Variants in SYBU observed in about 807,000 individuals in gnomAD.
SYBU encodes syntabulin.
A neutral mutation model predicts 35.9 loss-of-function variants in SYBU; 21 were observed. That is an observed-to-expected ratio of 0.58 (90% CI 0.41 to 0.84). SYBU has a LOEUF of 0.84. Among genes scored for constraint, SYBU ranks in the 40% least tolerant of loss-of-function variants. SYBU has a pLI of 0.00. For missense variants in SYBU, 768 were observed against 848.2 expected, an observed-to-expected ratio of 0.91 and a Z score of 1.17; for synonymous variants, 319 against 324.3, an observed-to-expected ratio of 0.98 and a Z score of 0.18.
upstream of SYBU, chr8:109,646,973 T>C (rs1262947216): frequency 6.6e-6 from 1 of 152,248 alleles, no homozygotes; most frequent in Non-Finnish European, 1.5e-5. Flanking sequence ...ACTCAAGGTC[T>C]CTTGCTTTCA....
In SYBU at chr8:109,629,726, T is replaced by C. The variant is rs369385282; in HGVS notation, c.230-10687A>G. On this transcript the variant is annotated intron_variant, in intron 2 of 6. Coordinates refer to ENST00000276646, the MANE Select transcript of SYBU (RefSeq NM_001099754.2). ...ATCCCTGAGGAATCGCCACACTGACTTCCACAATGGTTGAACTAGTTTACA... is the reference window on the plus strand; with the variant it reads ...ATCCCTGAGGAATCGCCACACTGACCTCCACAATGGTTGAACTAGTTTACA... Among the ~76,000 whole-genome samples the C allele has an allele frequency of 6.0e-4, 92 of 152,114 alleles. No individual in the cohort carries two copies. In the East Asian group the frequency reaches 0.014, roughly 23 times the overall value.
intron 3 of SYBU, among the ~76,000 whole-genome samples, chr8:109,606,203 T>C (rs1320419949): frequency 6.6e-6 from 1 of 152,188 alleles, no homozygotes; most frequent in African/African-American, 2.4e-5. Context: ...AGAAATTTGA[T>C]AGGCTGAATC....
intron 1 of SYBU, among the ~76,000 whole-genome samples, chr8:109,671,672 A>G (rs148285705): frequency 2.8e-4 from 42 of 152,328 alleles, no homozygotes; most frequent in African/African-American, 1.0e-3. Context: ...GCCAATCTCT[A>G]ATTCAATTTT....
intron 1 of SYBU, among the ~76,000 whole-genome samples, chr8:109,653,550 C>A (rs1190841724): frequency 6.6e-6 from 1 of 152,156 alleles, no homozygotes; most frequent in Non-Finnish European, 1.5e-5. Context: ...ACCCCACAAC[C>A]CTGTGGATGA....
At chr8:109,689,665 C>A (rs1011754267) in intron 1 of SYBU, among the ~76,000 whole-genome samples, 1 of 152,030 alleles carries the variant, frequency 6.6e-6, no homozygotes, top group Admixed American at 6.6e-5. Flanking sequence ...TTCGTGTAAC[C>A]ACAATAATCA....
intron 3 of SYBU, among the ~76,000 whole-genome samples, chr8:109,616,580 T>A (rs776907240): frequency 2.0e-5 from 3 of 152,142 alleles, no homozygotes; most frequent in Admixed American, 1.3e-4. Flanking sequence ...TTTCCTTGTA[T>A]TGCCATCACC....
rs1043849725 is a variant in SYBU at position 109,691,310 on chromosome 8, C to A, written c.-58+23G>T. The A allele has an allele frequency of 1.0e-5, 7 of 700,612 alleles. No individual in the cohort carries two copies. The allele number at this position is 700,612 out of a possible 1,614,324, so 43.4% of individuals were successfully genotyped here. ...TGTCCGCGGGCACTGACAGCAGAGACCGCATAGGCGCCCCGGTCTTACCCT... is the reference window on the plus strand; with the variant it reads ...TGTCCGCGGGCACTGACAGCAGAGAACGCATAGGCGCCCCGGTCTTACCCT... On this transcript the variant is annotated intron_variant, in intron 1 of 7. Transcript: ENST00000422135. The surrounding 1 kb of genome is among the most constrained non-coding windows in gnomAD (Gnocchi z 4.7).
intron 1 of SYBU, among the ~76,000 whole-genome samples, chr8:109,658,412 G>A (rs188817548): frequency 6.6e-5 from 10 of 152,300 alleles, no homozygotes; most frequent in Non-Finnish European, 1.5e-4. Context: ...ACAAACTGGG[G>A]ATGTTCAATA....
At position 109,691,596 on chromosome 8, in the gene SYBU, AGGACAAAATGGAGAGAAGGGCGGG is replaced by A; in HGVS notation, c.-345_-322del. 2.3e-6 allele frequency: 1 copy of A among 427,160 alleles called. No homozygotes were observed. The highest frequency in any genetic ancestry group is 5.3e-5 in the South Asian group (1 of 18,752). The allele number at this position is 427,160 out of a possible 1,614,324, so 26.5% of individuals were successfully genotyped here. A position where few individuals can be genotyped will look rare whatever the true frequency, so the allele number is the denominator to read the frequency against. ...GCCAGCCGGGCGGCTGCTGGGGCTGAGGACAAAATGGAGAGAAGGGCGGGGGACCAAAGGGCAGGCACCGCTGGG... is the reference window on the plus strand; with the variant it reads ...GCCAGCCGGGCGGCTGCTGGGGCTGAGGACCAAAGGGCAGGCACCGCTGGG... On this transcript the variant is annotated 5_prime_UTR_variant, in exon 1 of 8. Coordinates refer to the SYBU transcript ENST00000422135. This position sits in a 1 kb window ranked among gnomAD's most constrained non-coding sequence, Gnocchi z 4.7.
chr8:109,645,632 TG>T (rs1230458249), upstream of SYBU: 20 of 279,384 alleles, frequency 7.2e-5, no homozygotes, highest in East Asian at 8.5e-4. Context: ...TTTCGTTTTT[TG>T]TTTTTTTTTT....
intron 1 of SYBU, among the ~76,000 whole-genome samples, chr8:109,664,712 A>G (rs929975140): frequency 1.3e-5 from 2 of 152,202 alleles, no homozygotes; most frequent in Non-Finnish European, 2.9e-5. Context: ...AAGAAAGATG[A>G]GCAGGTGAGG....
At chr8:109,595,874 T>C (rs1323624339) in intron 3 of SYBU, among the ~76,000 whole-genome samples, 4 of 152,234 alleles carry the variant, frequency 2.6e-5, no homozygotes. Flanking sequence ...GAGTTGCTCA[T>C]ATTTGACACA....
intron 1 of SYBU, among the ~76,000 whole-genome samples, chr8:109,686,669 G>A (rs184782555): frequency 6.6e-6 from 1 of 152,182 alleles, no homozygotes; most frequent in Non-Finnish European, 1.5e-5. Flanking sequence ...CTGCCCTTGG[G>A]AAGAACATTC....
At chr8:109,588,066 G>A (rs1054631286) in intron 3 of SYBU, among the ~76,000 whole-genome samples, 4 of 152,140 alleles carry the variant, frequency 2.6e-5, no homozygotes, top group African/African-American at 9.7e-5. Context: ...TTATCAGGTT[G>A]GTTATTAAAT....
intron 3 of SYBU, among the ~76,000 whole-genome samples, chr8:109,615,681 G>C (rs1433448413): frequency 6.6e-6 from 1 of 152,104 alleles, no homozygotes; most frequent in Middle Eastern, 3.2e-3. Flanking sequence ...AAACTGCTCA[G>C]GTGATATTTA....
At chr8:109,685,278 G>T (rs1043981062), upstream of SYBU, among the ~76,000 whole-genome samples, 1 of 152,120 alleles carries the variant, frequency 6.6e-6, no homozygotes, top group African/African-American at 2.4e-5. Context: ...ATAATTTAAT[G>T]CATGGAGGAA....
chr8:109,636,313 G>A (rs955885072), intron 2 of SYBU, among the ~76,000 whole-genome samples: 4 of 152,178 alleles, frequency 2.6e-5, no homozygotes, highest in Admixed American at 6.5e-5. Flanking sequence ...TTACAAGGTA[G>A]GAGTGTATGT....
At chr8:109,658,114 A>G (rs1440518793) in intron 1 of SYBU, among the ~76,000 whole-genome samples, 1 of 152,172 alleles carries the variant, frequency 6.6e-6, no homozygotes, top group Non-Finnish European at 1.5e-5. Flanking sequence ...TAGCAAACAC[A>G]TTGTCCTTCT....
intron 1 of SYBU, among the ~76,000 whole-genome samples, chr8:109,663,330 C>T (rs1816640906): frequency 6.6e-6 from 1 of 151,948 alleles, no homozygotes; most frequent in Non-Finnish European, 1.5e-5. Context: ...ATAAAGGCAG[C>T]AGTAGGACTG....
Sources: gnomAD v4.1 joint callset for allele counts (sites outside exome capture counted in the v4.1 genomes callset) on GRCh38, gnomAD v4.1.1 for gene constraint, Gnocchi (gnomAD v3.1) non-coding constraint, MANE v1.5 for transcripts, NCBI Gene and HGNC (gene_info 2026-07-23, HGNC 2026-07-21) for gene names.